LRP1B: variants seen among roughly 807,000 people sequenced by gnomAD.
The protein encoded by LRP1B is LDL receptor related protein 1B, also known as low-density lipoprotein receptor-related protein 1B.
In LRP1B, 217 loss-of-function variants were observed where a neutral mutation model predicts 556.6. The ratio of observed to expected loss-of-function variants is 0.39; its 90% CI spans 0.35 to 0.44. LRP1B has a LOEUF of 0.44. Ranked by LOEUF, LRP1B falls within the 20% of genes least tolerant of loss-of-function variation. The pLI, the probability that LRP1B is intolerant of heterozygous loss-of-function variation, is 1.00. For missense variants in LRP1B, 5,053 were observed against 5,620.8 expected (o/e 0.90, Z 3.23); for synonymous variants, 2,047 against 1,865.8 (o/e 1.10, Z -2.50).
intron 1 of LRP1B, among the ~76,000 whole-genome samples, chr2:141,949,647 C>G (rs1701053438): frequency 6.6e-6 from 1 of 152,166 alleles, no homozygotes; most frequent in African/African-American, 2.4e-5. Context: ...CTTGGCCTCC[C>G]AAAGTGCTGG....
chr2:141,233,143 C>T (rs1683532935), intron 5 of LRP1B, among the ~76,000 whole-genome samples: 2 of 152,186 alleles, frequency 1.3e-5, no homozygotes, highest in African/African-American at 4.8e-5. Flanking sequence ...ACTTGAAAAG[C>T]ACATTAGATG....
At chr2:141,092,809 G>A (rs1700200873) in intron 7 of LRP1B, among the ~76,000 whole-genome samples, 1 of 152,188 alleles carries the variant, frequency 6.6e-6, no homozygotes, top group African/African-American at 2.4e-5. Context: ...CGTTCGAGAT[G>A]TGAAATGAAA....
At chr2:140,817,646 T>C (rs1225718349) in intron 31 of LRP1B, among the ~76,000 whole-genome samples, 1 of 151,988 alleles carries the variant, frequency 6.6e-6, no homozygotes, top group African/African-American at 2.4e-5. Flanking sequence ...GTATTTCATA[T>C]ATTACTGAAA....
chr2:141,714,599 A>G (rs1692502875), intron 2 of LRP1B, among the ~76,000 whole-genome samples: 1 of 151,996 alleles, frequency 6.6e-6, no homozygotes, highest in African/African-American at 2.4e-5. Flanking sequence ...TCTCTCTTCA[A>G]AGAAATTTCC....
At chr2:141,545,375 C>T (rs1685514869) in intron 2 of LRP1B, among the ~76,000 whole-genome samples, 1 of 152,184 alleles carries the variant, frequency 6.6e-6, no homozygotes, top group Admixed American at 6.5e-5. Flanking sequence ...CCATGGTTTG[C>T]ATGGTAGGCA....
chr2:140,279,365 G>A (rs1287116192), intron 84 of LRP1B, among the ~76,000 whole-genome samples: 1 of 151,948 alleles, frequency 6.6e-6, no homozygotes, highest in Non-Finnish European at 1.5e-5. Flanking sequence ...TTTCTAAACT[G>A]GGTGATTCAA....
intron 2 of LRP1B, among the ~76,000 whole-genome samples, chr2:141,539,201 A>G (rs1685167142): frequency 7.6e-6 from 1 of 131,460 alleles, no homozygotes; most frequent in African/African-American, 2.5e-5. Flanking sequence ...ATGACCCAGG[A>G]AGTTATTATC....
chr2:141,304,700 C>CA (rs1686522496), intron 3 of LRP1B, among the ~76,000 whole-genome samples: 1 of 151,460 alleles, frequency 6.6e-6, no homozygotes, highest in Non-Finnish European at 1.5e-5. Flanking sequence ...GGGGTTTCAC[C>CA]ATGTTGGCCA....
intron 43 of LRP1B, among the ~76,000 whole-genome samples, chr2:140,588,630 C>T (rs1490763571): frequency 6.6e-6 from 1 of 152,068 alleles, no homozygotes; most frequent in African/African-American, 2.4e-5. Context: ...TACAATTATG[C>T]CCAAATGATT....
chr2:140,856,074 C>A (rs1692609378), intron 27 of LRP1B, among the ~76,000 whole-genome samples: 3 of 152,244 alleles, frequency 2.0e-5, no homozygotes, highest in Admixed American at 6.5e-5. Flanking sequence ...GATACTGTCC[C>A]AAATATACCC....
intron 2 of LRP1B, among the ~76,000 whole-genome samples, chr2:141,645,387 G>T (rs994970709): frequency 6.7e-6 from 1 of 149,464 alleles, no homozygotes; most frequent in African/African-American, 2.5e-5. Context: ...GCCTCATGGT[G>T]ACTTAATTTG....
intron 62 of LRP1B, among the ~76,000 whole-genome samples, chr2:140,451,270 A>T (rs1244302312): frequency 1.3e-5 from 2 of 152,324 alleles, no homozygotes; most frequent in Non-Finnish European, 2.9e-5. Context: ...ACACTACAGC[A>T]GCAGAGATGA....
chr2:141,897,664 A>T (rs1169392741), intron 1 of LRP1B, among the ~76,000 whole-genome samples: 9 of 152,172 alleles, frequency 5.9e-5, no homozygotes, highest in African/African-American at 2.2e-4. Flanking sequence ...AAGTGCCATT[A>T]GGAAGTTTGA....
intron 3 of LRP1B, among the ~76,000 whole-genome samples, chr2:141,293,021 A>C (rs545681007): frequency 2.6e-5 from 4 of 152,236 alleles, no homozygotes; most frequent in African/African-American, 9.6e-5. Flanking sequence ...CTATCTTCTC[A>C]ATTTTCCTCC....
At chr2:140,558,301 C>T (rs774666419) in intron 43 of LRP1B, among the ~76,000 whole-genome samples, 2 of 151,996 alleles carry the variant, frequency 1.3e-5, no homozygotes, top group Non-Finnish European at 2.9e-5. Context: ...AAAATTTGTA[C>T]AGAAAGGATC....
At chr2:140,913,549 C>A (rs554203468) in intron 21 of LRP1B, among the ~76,000 whole-genome samples, 1 of 151,916 alleles carries the variant, frequency 6.6e-6, no homozygotes, top group South Asian at 2.1e-4. Context: ...CGAATATATA[C>A]CCCATGTAAA....
At chr2:141,212,788 G>A (rs980208760) in intron 6 of LRP1B, among the ~76,000 whole-genome samples, 1 of 152,034 alleles carries the variant, frequency 6.6e-6, no homozygotes, top group African/African-American at 2.4e-5. Flanking sequence ...GTGTAGTACA[G>A]GAAGTCATCA....
intron 35 of LRP1B, among the ~76,000 whole-genome samples, chr2:140,731,500 T>A (rs921332870): frequency 1.1e-4 from 17 of 151,894 alleles, no homozygotes; most frequent in African/African-American, 3.9e-4. Flanking sequence ...ATATTTTAGA[T>A]TATTGAATCA....
At chr2:142,090,296 A>G (rs1216343558) in intron 1 of LRP1B, among the ~76,000 whole-genome samples, 1 of 152,162 alleles carries the variant, frequency 6.6e-6, no homozygotes, top group Admixed American at 6.5e-5. Flanking sequence ...TCAAGTTTAT[A>G]TGAGGATCAG....
Sources: allele counts gnomAD v4.1 joint callset (sites outside exome capture counted in the v4.1 genomes callset), GRCh38; gene constraint gnomAD v4.1.1; transcripts MANE v1.5; gene names NCBI Gene and HGNC (gene_info 2026-07-23, HGNC 2026-07-21).